CNIH3: variants seen among roughly 807,000 people sequenced by gnomAD.
CNIH3 encodes protein cornichon homolog 3.
Under a neutral mutation model 24.1 loss-of-function variants are expected in CNIH3, and 14 were observed. The ratio of observed to expected loss-of-function variants is 0.58; its 90% CI spans 0.38 to 0.91. The LOEUF (loss-of-function observed/expected upper bound fraction) is 0.91. CNIH3 is among the 40% of genes least tolerant of loss of function. The pLI is 0.00. For synonymous variants in CNIH3, 68 were observed against 73.8 expected (o/e 0.92, Z 0.40); for missense variants, 178 against 196.8 (o/e 0.90, Z 0.57).
intron 1 of CNIH3, among the ~76,000 whole-genome samples, chr1:224,464,981 A>T (rs932319676): frequency 8.6e-5 from 13 of 151,976 alleles, no homozygotes; most frequent in African/African-American, 3.1e-4. Context: ...TTTTTTGTAG[A>T]AACAGTCTCA....
chr1:224,495,534 T>C (rs1677403348), intron 1 of CNIH3, among the ~76,000 whole-genome samples: 1 of 152,210 alleles, frequency 6.6e-6, no homozygotes, highest in Non-Finnish European at 1.5e-5. Flanking sequence ...GGAGTGTTTG[T>C]GTAGCTGGGC....
At chr1:224,489,024 A>C (rs1677140697) in intron 1 of CNIH3, among the ~76,000 whole-genome samples, 1 of 152,154 alleles carries the variant, frequency 6.6e-6, no homozygotes, top group Admixed American at 6.5e-5. Flanking sequence ...TCTTGATATG[A>C]GTAGTGTCTT....
At chr1:224,513,801 G>T (rs1678267619), upstream of CNIH3, 1 of 152,212 alleles carries the variant, frequency 6.6e-6, no homozygotes, top group Non-Finnish European at 1.5e-5. Context: ...GCAAGACTGC[G>T]CACTCACACG....
chr1:224,727,872 T>C (rs1689117076), intron 3 of CNIH3, among the ~76,000 whole-genome samples: 1 of 152,272 alleles, frequency 6.6e-6, no homozygotes, highest in East Asian at 1.9e-4. Flanking sequence ...CCACCTGAAA[T>C]GGCAGAATAA....
chr1:224,602,264 G>GATATT (rs950545755), intron 3 of CNIH3, among the ~76,000 whole-genome samples: 2 of 150,890 alleles, frequency 1.3e-5, no homozygotes, highest in African/African-American at 4.9e-5. Context: ...TGCTTGCATG[G>GATATT]ATATTATTTT....
At chr1:224,676,212 C>T (rs964486226) in intron 1 of CNIH3, among the ~76,000 whole-genome samples, 2 of 152,148 alleles carry the variant, frequency 1.3e-5, no homozygotes, top group East Asian at 1.9e-4. Flanking sequence ...TTAAACACAT[C>T]GTGTATTTAC....
chr1:224,464,742 A>C (rs1262794713), intron 1 of CNIH3, among the ~76,000 whole-genome samples: 2 of 152,136 alleles, frequency 1.3e-5, no homozygotes, highest in East Asian at 3.8e-4. Flanking sequence ...TAAATCTTGA[A>C]GTCAGGTAGC....
At chr1:224,717,027 C>T (rs1688466025) in intron 3 of CNIH3, among the ~76,000 whole-genome samples, 1 of 152,192 alleles carries the variant, frequency 6.6e-6, no homozygotes, top group African/African-American at 2.4e-5. Flanking sequence ...TCTCATAACA[C>T]TGGCCAGCCT....
At chr1:224,609,920 C>T (rs1382358505) in intron 3 of CNIH3, among the ~76,000 whole-genome samples, 1 of 152,214 alleles carries the variant, frequency 6.6e-6, no homozygotes, top group Non-Finnish European at 1.5e-5. Context: ...GTACACTTTA[C>T]AGACAGTCCC....
Position 224,616,892 on chromosome 1 carries a change from G to C in CNIH3, c.-283G>C. 7.8e-7 allele frequency: 1 copy of C among 1,289,592 alleles called. No homozygotes were observed. 79.9% of individuals were successfully genotyped at this position (1,289,592 alleles called of 1,614,324 possible). On this transcript the variant is annotated 5_prime_UTR_variant, in exon 1 of 6. Coordinates refer to ENST00000272133, the MANE Select transcript of CNIH3 (RefSeq NM_152495.2). ...CACTAATTTGCAGGTGTTCGCTGCT[G>C]ATTTGGTTTCTTCTTCGATTTGCGG...
At chr1:224,494,918 C>T (rs1259977981) in intron 1 of CNIH3, among the ~76,000 whole-genome samples, 2 of 152,192 alleles carry the variant, frequency 1.3e-5, no homozygotes, top group Non-Finnish European at 2.9e-5. Flanking sequence ...CTTTCTTCTG[C>T]CCTCTCTGCC....
At chr1:224,675,291 A>T (rs1340994943) in intron 1 of CNIH3, among the ~76,000 whole-genome samples, 5 of 152,234 alleles carry the variant, frequency 3.3e-5, no homozygotes, top group African/African-American at 1.2e-4. Context: ...AGATAACTGG[A>T]ATAGTCCTAA....
intron 1 of CNIH3, among the ~76,000 whole-genome samples, chr1:224,470,880 C>T (rs1224844623): frequency 6.6e-6 from 1 of 152,120 alleles, no homozygotes; most frequent in African/African-American, 2.4e-5. Flanking sequence ...TACAGACATA[C>T]AATATGTAAT....
intron 3 of CNIH3, among the ~76,000 whole-genome samples, chr1:224,698,850 A>C (rs9729870): frequency 0.016 from 2,507 of 152,268 alleles, 71 homozygotes; most frequent in African/African-American, 0.057. Flanking sequence ...TGCTTTGCTG[A>C]TGGAATGAAT....
chr1:224,735,890 T>C lies in CNIH3; in HGVS notation c.455+1184T>C, dbSNP rs150825592. ...TGTGTTGCCCAGGCAGGTCTTGAAC[T>C]CTTGGGCCCAAGTGACCCTTCTGCC... On this transcript the variant is annotated intron_variant, in intron 5 of 5. Transcript: ENST00000272133. 1.5e-3 allele frequency among the ~76,000 whole-genome samples: 229 copies of C among 152,180 alleles called. 1 individual carries two copies. Among genetic ancestry groups the C allele is most frequent in the Admixed American group, 0.012 (189 of 15,298 alleles).
chr1:224,531,797 G>A (rs1679080912), intron 2 of CNIH3, among the ~76,000 whole-genome samples: 1 of 152,182 alleles, frequency 6.6e-6, no homozygotes, highest in African/African-American at 2.4e-5. Context: ...GCTCAGGAGA[G>A]GGTCTGCAGC....
intron 1 of CNIH3, among the ~76,000 whole-genome samples, chr1:224,663,926 CT>C (rs1371101079): frequency 6.6e-6 from 1 of 152,218 alleles, no homozygotes; most frequent in Non-Finnish European, 1.5e-5. Flanking sequence ...ACAGGGCCTT[CT>C]GGTCAAGGAA....
At chr1:224,473,773 A>G (rs1676460629) in intron 1 of CNIH3, among the ~76,000 whole-genome samples, 1 of 152,234 alleles carries the variant, frequency 6.6e-6, no homozygotes, top group Non-Finnish European at 1.5e-5. Context: ...CATTGGATTT[A>G]ATCTGCACTA....
intron 3 of CNIH3, among the ~76,000 whole-genome samples, chr1:224,723,939 G>A (rs1372926152): frequency 2.6e-5 from 4 of 152,166 alleles, no homozygotes; most frequent in African/African-American, 9.7e-5. Context: ...TCTAGGACCA[G>A]ACATGATGGT....
Sources: allele counts gnomAD v4.1 joint callset (sites outside exome capture counted in the v4.1 genomes callset), GRCh38; gene constraint gnomAD v4.1.1; transcripts MANE v1.5; gene names NCBI Gene and HGNC (gene_info 2026-07-23, HGNC 2026-07-21).